CMC4: variants seen among roughly 807,000 people sequenced by gnomAD.
CMC4 encodes the protein cx9C motif-containing protein 4.
A neutral mutation model predicts 5.1 loss-of-function variants in CMC4; 4 were observed. The observed-to-expected ratio is 0.78, with a 90% CI of 0.38 to 1.78. CMC4 has a LOEUF of 1.78. Among genes scored for constraint, CMC4 ranks in the 40% most tolerant of loss-of-function variants. The pLI is 0.04. For synonymous variants in CMC4, 23 were observed against 18.9 expected (o/e 1.22, Z -0.57); for missense variants, 52 against 51.3 (o/e 1.01, Z -0.04).
intron 2 of CMC4, among the ~76,000 whole-genome samples, 160 bp from the exon 3 acceptor site, chrX:155,062,151 T>A (rs181413025): frequency 8.9e-6 from 1 of 112,525 alleles, no homozygotes; most frequent in East Asian, 2.8e-4. Flanking sequence ...TTTAGAGACC[T>A]GTCGACAGGT....
chrX:155,070,758 T>G lies in CMC4; in HGVS notation c.-75A>C, dbSNP rs1463460849. 9.0e-6 allele frequency: 1 copy of G among 111,634 alleles called. No homozygotes were observed. Among genetic ancestry groups the G allele is most frequent in the Non-Finnish European group, 1.9e-5 (1 of 52,985 alleles). The allele number at this position is 111,634 out of a possible 1,213,427, so 9.2% of individuals were successfully genotyped here. ...GAACAGCTAGGCTAAAACTTCCAGG[T>G]CTCCCACCCTGGGCCACTCAAGCCA... On this transcript the variant is annotated 5_prime_UTR_variant, in exon 1 of 3. Transcript: ENST00000369484.
intron 1 of CMC4, 102 bp downstream of exon 1, chrX:155,070,592 A>G (rs2073969458): frequency 8.9e-6 from 1 of 112,847 alleles, no homozygotes; most frequent in African/African-American, 3.2e-5. Flanking sequence ...GTATCCAACA[A>G]ATAGCTACCT....
chrX:155,066,540 T>G (rs1375740971), intron 1 of CMC4, among the ~76,000 whole-genome samples: 1 of 112,645 alleles, frequency 8.9e-6, no homozygotes, highest in Non-Finnish European at 1.9e-5. Flanking sequence ...AGGACATATA[T>G]GCATGTCTTT....
chrX:155,064,823 T>A (rs1268195614), intron 1 of CMC4: 3 of 112,502 alleles, frequency 2.7e-5, no homozygotes, highest in Non-Finnish European at 5.6e-5. Flanking sequence ...CACAAGCCTT[T>A]GTAGCTAATT....
rs1460522039 is a variant in CMC4, at chrX:155,061,954, G to C, written c.96C>G (p.Ile32Met). 1 of 1,211,046 alleles carries C rather than the reference G, an allele frequency of 8.3e-7. No individual in the cohort carries two copies. The highest frequency in any genetic ancestry group is 1.1e-6 in the Non-Finnish European group (1 of 895,151). ...SYMESKCQAV[I>M]QELRKCCAQY... ...GAGCACAACACTTACGCAGTTCTTG[G>C]ATGACAGCCTGACACTTTGATTCCA... is the stretch of plus-strand genomic sequence containing the variant. Residue 32 changes from isoleucine (I) to methionine (M), a missense_variant, in exon 3 of 3, where the codon ATC becomes ATG. Physicochemically the swap from Ile to Met is conservative, Grantham distance 10. Coordinates refer to ENST00000369484, the MANE Select transcript of CMC4 (RefSeq NM_001018024.3).
intron 1 of CMC4, 64 bp from the exon 2 acceptor site, chrX:155,064,097 T>C (rs1557291838): frequency 1.1e-6 from 1 of 914,067 alleles, no homozygotes; most frequent in Non-Finnish European, 1.5e-6. Context: ...CCCCTCTACG[T>C]GGAATTTTCT....
chrX:155,069,492 A>C (rs1557292264), intron 1 of CMC4, among the ~76,000 whole-genome samples: 2 of 112,200 alleles, frequency 1.8e-5, no homozygotes, highest in Non-Finnish European at 3.8e-5. Flanking sequence ...ATATTGACTC[A>C]TTTAATTTTC....
intron 1 of CMC4, among the ~76,000 whole-genome samples, chrX:155,069,995 T>C (rs1557292317): frequency 8.9e-6 from 1 of 112,323 alleles, no homozygotes; most frequent in African/African-American, 3.2e-5. Context: ...AGAGAAAATT[T>C]AGACAGGTCC....
intron 1 of CMC4, among the ~76,000 whole-genome samples, chrX:155,069,017 T>TGATTTCGG (rs782179157): frequency 8.9e-6 from 1 of 112,467 alleles, no homozygotes; most frequent in African/African-American, 3.2e-5. Context: ...AGGGTCACCT[T>TGATTTCGG]GATTTCGGGG....
rs1340126985 is a variant in CMC4, at chrX:155,070,931, A to G, written c.-248T>C. On this transcript the variant is annotated 5_prime_UTR_variant, in exon 1 of 3. Transcript: ENST00000369484. ...GGCTGTGACTTGGAAATAAAACAAA[A>G]TAAAATAAAACCTTAACTGTTTTGG... The G allele has an allele frequency of 8.9e-6, 1 of 112,718 alleles. No individual in the cohort carries two copies. The highest frequency in any genetic ancestry group is 3.2e-5 in the African/African-American group (1 of 31,086). 9.3% of individuals were successfully genotyped at this position (112,718 alleles called of 1,213,427 possible). A position where few individuals can be genotyped will look rare whatever the true frequency, so the allele number is the denominator to read the frequency against.
At chrX:155,063,890 A>C (rs1161102177) in intron 2 of CMC4, 76 bp downstream of exon 2, 2 of 768,757 alleles carry the variant, frequency 2.6e-6, no homozygotes, top group Non-Finnish European at 3.8e-6. Context: ...GAGTTAATAC[A>C]GATAAAAGAA....
chrX:155,062,002 T>C lies in CMC4; in HGVS notation c.59-11A>G, dbSNP rs1557291650. The C allele has an allele frequency of 8.3e-7, 1 of 1,208,076 alleles. No homozygotes were observed. The highest frequency in any genetic ancestry group is 2.3e-4 in the Middle Eastern group (1 of 4,346). On this transcript the variant is annotated splice_polypyrimidine_tract_variant and intron_variant, in intron 2 of 2. Coordinates refer to ENST00000369484, the MANE Select transcript of CMC4 (RefSeq NM_001018024.3). ...CCATGTAGCTGTTGGCTGAAAAACA[T>C]ACAGGCAGACTCTAGTCATGATCTC...
At chrX:155,065,914 C>T (rs200622108) in intron 1 of CMC4, 1 of 1,210,416 alleles carries the variant, frequency 8.3e-7, no homozygotes, top group Non-Finnish European at 1.1e-6. Context: ...ACCTCTTCCA[C>T]GACGGCCACC....
Position 155,063,979 on chromosome X carries a change from C to T in CMC4, c.45G>A (p.Gln15=). The change falls in exon 2 of 3, where the codon CAG becomes CAA. Residue 15 remains glutamine (Q), a synonymous_variant. Transcript: ENST00000369484. ...ACAATATACTACCTTGTAAACATTT[C>T]TGTATCTCACAGGCTTGCTTCTGGC... ...DPCQKQACEI[Q]KCLQANSYME... 1 of 1,195,615 alleles carries T rather than the reference C, an allele frequency of 8.4e-7. No homozygotes were observed.
At chrX:155,066,064 C>A in intron 1 of CMC4, 1 of 983,603 alleles carries the variant, frequency 1.0e-6, no homozygotes, top group Non-Finnish European at 1.4e-6. Flanking sequence ...AAGCCTGCAG[C>A]ACCCGCGCAC....
chrX:155,066,486 AAG>A (rs1257819775), intron 1 of CMC4, among the ~76,000 whole-genome samples: 7 of 112,628 alleles, frequency 6.2e-5, no homozygotes, highest in Non-Finnish European at 1.3e-4. Flanking sequence ...CCCCAGGTAA[AAG>A]CCACTTCCAA....
In CMC4 at chrX:155,061,820, T is replaced by C; in HGVS notation, c.*23A>G. 1.7e-6 allele frequency: 2 copies of C among 1,202,245 alleles called. No individual in the cohort carries two copies. Among genetic ancestry groups the C allele is most frequent in the Non-Finnish European group, 1.1e-6 (1 of 890,197 alleles). ...AAAAAAAATTCATTTGGTGGAAACA[T>C]GGAGCAGCACTTCAGAAGAACTTTA... is the stretch of plus-strand genomic sequence containing the variant. On this transcript the variant is annotated 3_prime_UTR_variant, in exon 3 of 3. Coordinates refer to ENST00000369484, the MANE Select transcript of CMC4 (RefSeq NM_001018024.3).
chrX:155,063,985 C>G lies in CMC4; in HGVS notation c.39G>C (p.Glu13Asp). Residue 13 changes from glutamate (E) to aspartate (D), a missense_variant, in exon 2 of 3, where the codon GAG becomes GAC. Glu to Asp is a conservative substitution (Grantham distance 45, BLOSUM62 2). Coordinates refer to ENST00000369484, the MANE Select transcript of CMC4 (RefSeq NM_001018024.3). Reference protein sequence around the residue: ...QKDPCQKQACEIQKCLQANSY... With the variant: ...QKDPCQKQACDIQKCLQANSY... ...TACTACCTTGTAAACATTTCTGTAT[C>G]TCACAGGCTTGCTTCTGGCACGGAT... 3 of 1,196,810 alleles carry G rather than the reference C, an allele frequency of 2.5e-6. No individual in the cohort carries two copies. The highest frequency in any genetic ancestry group is 3.4e-6 in the Non-Finnish European group (3 of 890,972).
intron 2 of CMC4, 34 bp downstream of exon 2, chrX:155,063,932 A>G (rs782527479): frequency 8.9e-7 from 1 of 1,122,748 alleles, no homozygotes; most frequent in Non-Finnish European, 1.2e-6. Context: ...TTCACAGTGG[A>G]AAAATATTTT....
Sources: gnomAD v4.1 joint callset for allele counts (sites outside exome capture counted in the v4.1 genomes callset) on GRCh38, gnomAD v4.1.1 for gene constraint, MANE v1.5 for transcripts, NCBI Gene and HGNC (gene_info 2026-07-23, HGNC 2026-07-21) for gene names.